Variants in ROBO2 observed in about 807,000 individuals in gnomAD.
ROBO2 encodes the protein roundabout guidance receptor 2.
ROBO2 carries 53 observed loss-of-function variants against 160.8 expected under a neutral mutation model. That is an observed-to-expected ratio of 0.33 (90% CI 0.26 to 0.41). The LOEUF (loss-of-function observed/expected upper bound fraction) is 0.41, where lower values mean the gene tolerates loss of function less well. Ranked by LOEUF, ROBO2 falls within the 10% of genes least tolerant of loss-of-function variation. The probability of loss-of-function intolerance (pLI) is 1.00; values close to 1 mark genes in which losing one functional copy is unlikely to be tolerated. For synonymous variants in ROBO2, 664 were observed against 611.7 expected (o/e 1.09, Z -1.26); for missense variants, 1,577 against 1,722.4 (o/e 0.92, Z 1.49).
intron 2 of ROBO2, among the ~76,000 whole-genome samples, chr3:76,903,444 C>T (rs1172546356): frequency 6.6e-6 from 1 of 152,052 alleles, no homozygotes; most frequent in African/African-American, 2.4e-5. Context: ...CTCTGACTGT[C>T]AATTGTACAG....
At chr3:76,724,846 A>G (rs537775661) in intron 2 of ROBO2, among the ~76,000 whole-genome samples, 1 of 152,298 alleles carries the variant, frequency 6.6e-6, no homozygotes, top group South Asian at 2.1e-4. Context: ...AAATTCAATC[A>G]TGAGTGTCCT....
chr3:76,652,122 C>T (rs1186580888), intron 2 of ROBO2, among the ~76,000 whole-genome samples: 1 of 152,164 alleles, frequency 6.6e-6, no homozygotes, highest in Non-Finnish European at 1.5e-5. Context: ...TAGTAAAAGA[C>T]TATGCTCTCA....
intron 2 of ROBO2, among the ~76,000 whole-genome samples, chr3:76,505,953 G>C (rs1220486956): frequency 1.1e-4 from 17 of 152,124 alleles, no homozygotes; most frequent in Admixed American, 1.0e-3. Context: ...ACACCTTGGA[G>C]CTATGATAGT....
chr3:76,117,881 A>T (rs1454993435), intron 2 of ROBO2, among the ~76,000 whole-genome samples: 3 of 152,168 alleles, frequency 2.0e-5, no homozygotes, highest in African/African-American at 4.8e-5. Flanking sequence ...GCATCGTCTC[A>T]GTGGCCAGGG....
Position 77,252,756 on chromosome 3 carries a change from C to T in ROBO2, c.388+154416C>T, listed in dbSNP as rs562392003. Among the ~76,000 whole-genome samples the T allele has an allele frequency of 2.4e-3, 327 of 133,590 alleles. 1 individual carries two copies. Among genetic ancestry groups the T allele is most frequent in the African/African-American group, 8.8e-3 (313 of 35,532 alleles). 87.6% of individuals were successfully genotyped at this position (133,590 alleles called of 152,430 possible). On this transcript the variant is annotated intron_variant, in intron 2 of 25. Coordinates refer to ENST00000461745, the Ensembl canonical transcript of ROBO2. ...CCGGGAGGCAGAGCTTGCAGTGAGC[C>T]GAGATCGCGCCCCTGCACTCCAGCC...
intron 2 of ROBO2, among the ~76,000 whole-genome samples, chr3:76,592,301 C>A (rs1322519002): frequency 1.3e-5 from 2 of 152,020 alleles, no homozygotes; most frequent in Admixed American, 6.6e-5. Flanking sequence ...AACCAATTCC[C>A]CTGGAGGCTC....
intron 2 of ROBO2, among the ~76,000 whole-genome samples, chr3:77,361,338 AT>A (rs575459257): frequency 6.1e-4 from 93 of 152,080 alleles, no homozygotes; most frequent in South Asian, 5.2e-3. Flanking sequence ...AAATTTCACT[AT>A]TTTTTTCTTT....
chr3:76,120,413 C>T (rs945896639), intron 2 of ROBO2, among the ~76,000 whole-genome samples: 1 of 152,130 alleles, frequency 6.6e-6, no homozygotes. Flanking sequence ...CTTACTCTAC[C>T]ATATAATCTG....
chr3:76,414,941 A>G (rs2075691893), intron 2 of ROBO2, among the ~76,000 whole-genome samples: 1 of 152,146 alleles, frequency 6.6e-6, no homozygotes, highest in Non-Finnish European at 1.5e-5. Flanking sequence ...AATGCTTCTT[A>G]TCAATTGAAT....
intron 2 of ROBO2, among the ~76,000 whole-genome samples, chr3:76,707,037 T>C (rs550316938): frequency 2.4e-4 from 36 of 152,142 alleles, no homozygotes; most frequent in African/African-American, 8.7e-4. Flanking sequence ...TATATTCTAA[T>C]GTGTGTATGC....
At chr3:76,445,762 C>T (rs2077150767) in intron 2 of ROBO2, among the ~76,000 whole-genome samples, 1 of 152,064 alleles carries the variant, frequency 6.6e-6, no homozygotes, top group African/African-American at 2.4e-5. Context: ...CGTAATCCAG[C>T]ATATAAACAG....
At chr3:76,930,777 CT>C (rs2077287511) in intron 2 of ROBO2, among the ~76,000 whole-genome samples, 1 of 152,182 alleles carries the variant, frequency 6.6e-6, no homozygotes, top group South Asian at 2.1e-4. Context: ...GCAAATTCAC[CT>C]TTCTTTCACC....
At chr3:76,197,328 C>T (rs764560995) in intron 2 of ROBO2, among the ~76,000 whole-genome samples, 2 of 147,822 alleles carry the variant, frequency 1.4e-5, no homozygotes, top group South Asian at 2.2e-4. Flanking sequence ...CTGAGCTAAT[C>T]AATCTCTCTA....
intron 2 of ROBO2, among the ~76,000 whole-genome samples, chr3:76,428,862 G>C (rs765481606): frequency 1.3e-5 from 2 of 152,118 alleles, no homozygotes; most frequent in Non-Finnish European, 2.9e-5. Flanking sequence ...GCTGCCGACA[G>C]TCATCTTCAC....
At position 77,104,609 on chromosome 3, in the gene ROBO2, C is replaced by T. The variant is rs12489757; in HGVS notation, c.388+6269C>T. ...AGTTTATGCCTAAGAGTAGAATTGT[C>T]GAGTCATATGGTAACTGTTTAACTT... On this transcript the variant is annotated intron_variant, in intron 2 of 25. Transcript: ENST00000461745. 6.6e-5 allele frequency among the ~76,000 whole-genome samples: 10 copies of T among 151,990 alleles called. No individual in the cohort carries two copies. The South Asian group carries it at 1.2e-3, about 19-fold the overall frequency.
At chr3:76,856,308 G>A (rs1190786883) in intron 2 of ROBO2, among the ~76,000 whole-genome samples, 2 of 152,106 alleles carry the variant, frequency 1.3e-5, no homozygotes, top group Non-Finnish European at 2.9e-5. Flanking sequence ...ATGTTATTGT[G>A]TATATTTACA....
rs1369153624 is a variant in ROBO2, at chr3:76,211,089, A to G, written c.109+273487A>G. ...ACTTAACTACCTCTTCTAATTTTCC[A>G]TCCACAGTTATTTACTCACTCTTGC... On this transcript the variant is annotated intron_variant, in intron 2 of 26. Transcript: ENST00000487694. Among the ~76,000 whole-genome samples, 6 of 152,160 alleles carry G rather than the reference A, an allele frequency of 3.9e-5. No homozygotes were observed. In the South Asian group the frequency reaches 8.3e-4, roughly 21 times the overall value.
intron 1 of ROBO2, among the ~76,000 whole-genome samples, chr3:75,907,219 T>G (rs1449723527): frequency 1.3e-5 from 2 of 152,102 alleles, no homozygotes; most frequent in South Asian, 4.1e-4. Flanking sequence ...GCGTTATATA[T>G]GTGTTTCTAG....
At chr3:77,479,020 C>G (rs944844636) in intron 3 of ROBO2, among the ~76,000 whole-genome samples, 2 of 152,032 alleles carry the variant, frequency 1.3e-5, no homozygotes, top group Non-Finnish European at 2.9e-5. Flanking sequence ...CAAAGAAAGG[C>G]TAGATGGTTG....
Sources: gnomAD v4.1 joint callset for allele counts (sites outside exome capture counted in the v4.1 genomes callset) on GRCh38, gnomAD v4.1.1 for gene constraint, MANE v1.5 for transcripts, NCBI Gene and HGNC (gene_info 2026-07-23, HGNC 2026-07-21) for gene names.